The following TRMT9B variants were observed in gnomAD, a reference collection of about 807,000 sequenced individuals.
TRMT9B encodes probable tRNA methyltransferase 9B.
Under a neutral mutation model 11.5 loss-of-function variants are expected in TRMT9B, and 16 were observed. The observed-to-expected ratio is 1.39, with a 90% CI of 0.94 to 2.11. The LOEUF is 2.11. TRMT9B is among the 30% of genes most tolerant of loss of function. The pLI is 0.00. For missense variants in TRMT9B, 941 were observed against 553.8 expected (o/e 1.70, Z -7.02); for synonymous variants, 274 against 192.4 (o/e 1.42, Z -3.51).
chr8:12,985,238 G>C (rs1285363135), intron 1 of TRMT9B, among the ~76,000 whole-genome samples: 3 of 152,142 alleles, frequency 2.0e-5, no homozygotes, highest in Non-Finnish European at 2.9e-5. Flanking sequence ...ATTCCAGAGA[G>C]GATCGTATTC....
rs1326340150 is a variant in TRMT9B at position 13,021,707 on chromosome 8, G to C, written c.1028G>C (p.Arg343Thr). Reference protein sequence around the residue: ...LNGDHQGEMRRNGGGNFLDST... With the variant: ...LNGDHQGEMRTNGGGNFLDST... ...GGAGACCATCAAGGGGAAATGAGGA[G>C]AAATGGAGGGGGAAATTTTCTGGAT... Residue 343 changes from arginine to threonine, a missense_variant, in exon 5 of 5, where the codon AGA becomes ACA. Physicochemically the swap from Arg to Thr is moderately conservative, Grantham distance 71. Coordinates refer to ENST00000524591, the MANE Select transcript of TRMT9B (RefSeq NM_020844.3). 6.2e-6 allele frequency: 10 copies of C among 1,613,954 alleles called. No homozygotes were observed. Among genetic ancestry groups the C allele is most frequent in the Non-Finnish European group, 8.5e-6 (10 of 1,179,876 alleles).
At chr8:13,019,303 T>C (rs1245808947) in intron 4 of TRMT9B, among the ~76,000 whole-genome samples, 1 of 152,154 alleles carries the variant, frequency 6.6e-6, no homozygotes, top group Non-Finnish European at 1.5e-5. Flanking sequence ...TATAGATACA[T>C]ATATTTGAGA....
At chr8:13,009,651 A>G (rs1481697936) in intron 3 of TRMT9B, among the ~76,000 whole-genome samples, 2 of 152,172 alleles carry the variant, frequency 1.3e-5, no homozygotes, top group Admixed American at 6.5e-5. Context: ...ATGGTAGTAT[A>G]CTATAAAAAC....
rs1806172914 is a variant in TRMT9B at position 12,985,674 on chromosome 8, T to A, written c.-199-5160T>A. ...GGTGCTTAGTCAACATTTCTCAAATTAAATTTAGTTATAGTAGAGCTCTAT... is the reference window on the plus strand; with the variant it reads ...GGTGCTTAGTCAACATTTCTCAAATAAAATTTAGTTATAGTAGAGCTCTAT... On this transcript the variant is annotated intron_variant, in intron 1 of 4. Transcript: ENST00000524591. 5.3e-5 allele frequency among the ~76,000 whole-genome samples: 8 copies of A among 152,230 alleles called. No individual in the cohort carries two copies. The South Asian group carries it at 1.7e-3, about 32-fold the overall frequency.
At chr8:12,977,298 G>C (rs2466256) in intron 1 of TRMT9B, among the ~76,000 whole-genome samples, 12,580 of 152,234 alleles carry the variant, frequency 0.083, 610 homozygotes, top group African/African-American at 0.11. Flanking sequence ...GAGAGGAGAG[G>C]AATGTGTTAC....
chr8:12,965,540 AGCTGACCTGTCT>A (rs1802696043), intron 1 of TRMT9B, among the ~76,000 whole-genome samples: 1 of 152,132 alleles, frequency 6.6e-6, no homozygotes, highest in African/African-American at 2.4e-5. Context: ...ATTAGTCCAA[AGCTGACCTGTCT>A]GATGACCCGA....
intron 3 of TRMT9B, among the ~76,000 whole-genome samples, chr8:13,009,491 C>T (rs1563419406): frequency 6.6e-6 from 1 of 152,258 alleles, no homozygotes; most frequent in South Asian, 2.1e-4. Flanking sequence ...AATCTTCTCC[C>T]ATCCCAGTCC....
At chr8:12,983,969 T>G (rs1021556062) in intron 1 of TRMT9B, among the ~76,000 whole-genome samples, 1 of 152,174 alleles carries the variant, frequency 6.6e-6, no homozygotes, top group Non-Finnish European at 1.5e-5. Context: ...TATTTAAGTG[T>G]GAATAAGTAT....
At chr8:13,017,889 G>C (rs1367495591) in intron 4 of TRMT9B, among the ~76,000 whole-genome samples, 2 of 151,678 alleles carry the variant, frequency 1.3e-5, no homozygotes, top group African/African-American at 4.8e-5. Context: ...CCCTCAAAGT[G>C]CTGGAATTAC....
chr8:12,960,651 C>G (rs772233031), intron 1 of TRMT9B, among the ~76,000 whole-genome samples: 21 of 152,064 alleles, frequency 1.4e-4, no homozygotes, highest in Non-Finnish European at 2.5e-4. Context: ...TTTTTCAAGT[C>G]ACAAAAAGAC....
intron 4 of TRMT9B, among the ~76,000 whole-genome samples, chr8:13,015,625 A>T (rs1311409461): frequency 6.6e-6 from 1 of 152,104 alleles, no homozygotes; most frequent in Non-Finnish European, 1.5e-5. Flanking sequence ...AAGTGTTGTG[A>T]TTACAGGCAT....
chr8:12,966,804 T>G (rs1018953814), intron 1 of TRMT9B, among the ~76,000 whole-genome samples: 8 of 152,142 alleles, frequency 5.3e-5, no homozygotes. Context: ...GGACCTGAGC[T>G]TCGTAGGGTT....
At chr8:12,994,975 C>A (rs1456602254) in intron 2 of TRMT9B, among the ~76,000 whole-genome samples, 1 of 152,204 alleles carries the variant, frequency 6.6e-6, no homozygotes, top group African/African-American at 2.4e-5. Context: ...AGCCCCCGCG[C>A]CTGGCTGAAA....
intron 3 of TRMT9B, among the ~76,000 whole-genome samples, chr8:13,010,008 C>T (rs181114120): frequency 3.9e-5 from 6 of 151,948 alleles, no homozygotes; most frequent in East Asian, 1.9e-4. Flanking sequence ...GCATGATACA[C>T]GTGCCTGTAG....
intron 1 of TRMT9B, chr8:12,952,656 A>G (rs1480148101): frequency 2.0e-6 from 2 of 983,914 alleles, no homozygotes; most frequent in Non-Finnish European, 2.4e-6. Context: ...GAAAGTTTTC[A>G]AAGCTCACGA....
chr8:13,016,235 T>TATA lies in TRMT9B; in HGVS notation c.328+3378_328+3379insATA, dbSNP rs202222652. On this transcript the variant is annotated intron_variant, in intron 4 of 4. Transcript: ENST00000524591. Reference sequence around the variant, plus strand: ...ATAAAATATAAATGTGAAATATATATTATATATAAAATATAAATGTGAAAT... The same window carrying TATA: ...ATAAAATATAAATGTGAAATATATATATATATATATAAAATATAAATGTGAAAT... Among the ~76,000 whole-genome samples, 10 of 79,206 alleles carry TATA rather than the reference T, an allele frequency of 1.3e-4. 3 individuals are homozygous for TATA. Among genetic ancestry groups the TATA allele is most frequent in the Non-Finnish European group, 2.6e-4 (10 of 38,820 alleles). The allele number at this position is 79,206 out of a possible 152,430, so 52.0% of individuals were successfully genotyped here. A position where few individuals can be genotyped will look rare whatever the true frequency, so the allele number is the denominator to read the frequency against.
intron 2 of TRMT9B, among the ~76,000 whole-genome samples, chr8:13,005,628 A>T (rs1410116459): frequency 6.6e-6 from 1 of 152,232 alleles, no homozygotes; most frequent in South Asian, 2.1e-4. Context: ...ATTTTACAAA[A>T]ATAATTATGA....
rs966603741 is a variant in TRMT9B, at chr8:13,028,171, C to G, written c.*6127C>G. On this transcript the variant is annotated 3_prime_UTR_variant, in exon 5 of 5. Coordinates refer to ENST00000524591, the MANE Select transcript of TRMT9B (RefSeq NM_020844.3). ...TTTCAGTTACATCACATACTCTGTC[C>G]TCTTGTGGTGCGGGTCTTCCCCAGT... is the stretch of plus-strand genomic sequence containing the variant. 6.0e-6 allele frequency: 1 copy of G among 167,046 alleles called. No homozygotes were observed. Among genetic ancestry groups the G allele is most frequent in the Non-Finnish European group, 1.5e-5 (1 of 68,116 alleles). 10.3% of individuals were successfully genotyped at this position (167,046 alleles called of 1,614,324 possible). A position where few individuals can be genotyped will look rare whatever the true frequency, so the allele number is the denominator to read the frequency against.
Position 13,021,228 on chromosome 8 carries a change from C to T in TRMT9B, c.549C>T (p.Tyr183=), listed in dbSNP as rs763194738. ...SQSGRKRQCG[Y]PERGHPYHPP... is the part of the protein sequence containing the mutation. ...CTGGGAGGAAGAGGCAGTGTGGATACCCAGAAAGAGGCCATCCCTACCATC... is the reference window on the plus strand; with the variant it reads ...CTGGGAGGAAGAGGCAGTGTGGATATCCAGAAAGAGGCCATCCCTACCATC... Residue 183 remains tyrosine, a synonymous_variant, in exon 5 of 5, where the codon TAC becomes TAT. Coordinates refer to ENST00000524591, the MANE Select transcript of TRMT9B (RefSeq NM_020844.3). 2.9e-5 allele frequency: 46 copies of T among 1,613,686 alleles called. No homozygotes were observed. The highest frequency in any genetic ancestry group is 3.6e-5 in the Non-Finnish European group (43 of 1,179,800).
Sources: gnomAD v4.1 joint callset for allele counts (sites outside exome capture counted in the v4.1 genomes callset) on GRCh38, gnomAD v4.1.1 for gene constraint, MANE v1.5 for transcripts, NCBI Gene and HGNC (gene_info 2026-07-23, HGNC 2026-07-21) for gene names.